The following MROH1 variants were observed in gnomAD, a reference collection of about 807,000 sequenced individuals.
The protein encoded by MROH1 is maestro heat like repeat family member 1, also known as maestro heat-like repeat-containing protein family member 1.
Under a neutral mutation model 116.5 loss-of-function variants are expected in MROH1, and 117 were observed. The observed-to-expected ratio is 1.00, with a 90% CI of 0.86 to 1.17. The LOEUF (loss-of-function observed/expected upper bound fraction) is 1.17. MROH1 is among the 50% of genes most tolerant of loss of function. MROH1 has a pLI of 0.00. For missense variants in MROH1, 1,873 were observed against 1,338.5 expected, an observed-to-expected ratio of 1.40 and a Z score of -6.23; for synonymous variants, 921 against 583.9, an observed-to-expected ratio of 1.58 and a Z score of -8.32.
At chr8:144,261,554 C>T (rs1210018517) in intron 43 of MROH1, 101 bp from the exon 44 acceptor site, 3 of 696,838 alleles carry the variant, frequency 4.3e-6, no homozygotes, top group Non-Finnish European at 7.8e-6. Flanking sequence ...CCGTTGGCTC[C>T]TGAGCCTCCC....
chr8:144,230,359 T>G (rs185555806), intron 14 of MROH1, among the ~76,000 whole-genome samples: 100 of 152,378 alleles, frequency 6.6e-4, no homozygotes, highest in Non-Finnish European at 9.7e-4. Flanking sequence ...TTATCATTCG[T>G]GTGTTCACTG....
intron 33 of MROH1, chr8:144,251,320 C>T (rs1842811396): frequency 6.6e-6 from 1 of 152,356 alleles, no homozygotes; most frequent in African/African-American, 2.4e-5. Flanking sequence ...TGTTTTAAAT[C>T]TCTTGCATGG....
chr8:144,250,094 G>A lies in MROH1; in HGVS notation c.3274-118G>A, dbSNP rs1842608377. ...GCCCTACCTCAGGCTGGAACCAGCA[G>A]TATGGAGCTCTGCATCTCATGGGGC... On this transcript the variant is annotated intron_variant, in intron 32 of 43. Coordinates refer to ENST00000326134, the MANE Select transcript of MROH1 (RefSeq NM_032450.3). 4.3e-6 allele frequency: 3 copies of A among 690,290 alleles called. 1 individual carries two copies. Among genetic ancestry groups the A allele is most frequent in the East Asian group, 5.4e-5 (2 of 37,168 alleles). The allele number at this position is 690,290 out of a possible 1,614,324, so 42.8% of individuals were successfully genotyped here.
chr8:144,179,417 G>C (rs759699415), intron 4 of MROH1, 38 bp from the exon 5 acceptor site: 4 of 1,606,506 alleles, frequency 2.5e-6, no homozygotes, highest in Non-Finnish European at 1.7e-6. Flanking sequence ...TGGGTGTGGG[G>C]CTCACCTGGG....
intron 10 of MROH1, among the ~76,000 whole-genome samples, chr8:144,193,613 A>T (rs1175397991): frequency 6.6e-6 from 1 of 151,990 alleles, no homozygotes; most frequent in African/African-American, 2.4e-5. Flanking sequence ...TTTATTTATT[A>T]TTTATTTATT....
At chr8:144,205,630 C>T (rs1358762117) in intron 12 of MROH1, among the ~76,000 whole-genome samples, 2 of 152,068 alleles carry the variant, frequency 1.3e-5, no homozygotes, top group African/African-American at 2.4e-5. Context: ...ATTTCCCCCC[C>T]AGGTCCATAG....
At chr8:144,229,300 CAGA>C (rs1473076385) in intron 14 of MROH1, among the ~76,000 whole-genome samples, 17 of 152,248 alleles carry the variant, frequency 1.1e-4, no homozygotes, top group Middle Eastern at 3.4e-3. Context: ...GAATCCTTCC[CAGA>C]AGGTTTTCAG....
chr8:144,188,449 A>ATTTTTTTTT (rs573524223), intron 7 of MROH1, among the ~76,000 whole-genome samples: 3 of 45,836 alleles, frequency 6.5e-5, no homozygotes, highest in African/African-American at 2.6e-4. Context: ...CCACTGCCCA[A>ATTTTTTTTT]TTTTTTTTTT....
At chr8:144,246,350 G>C (rs1052527333) in intron 29 of MROH1, among the ~76,000 whole-genome samples, 1 of 151,824 alleles carries the variant, frequency 6.6e-6, no homozygotes, top group East Asian at 1.9e-4. Context: ...GACTGGTCTT[G>C]AACTCCTGAC....
intron 33 of MROH1, chr8:144,251,678 G>A (rs1005562852): frequency 3.3e-4 from 51 of 152,408 alleles, no homozygotes; most frequent in Non-Finnish European, 6.2e-4. Context: ...CGTGATTACC[G>A]CCTGGCTCAT....
chr8:144,189,665 G>A (rs534252533), intron 7 of MROH1, among the ~76,000 whole-genome samples: 1 of 152,334 alleles, frequency 6.6e-6, no homozygotes, highest in South Asian at 2.1e-4. Flanking sequence ...CCGCCCACCC[G>A]TGGGAGGGCC....
chr8:144,190,759 C>G, intron 7 of MROH1, 25 bp from the exon 8 acceptor site: 1 of 1,608,000 alleles, frequency 6.2e-7, no homozygotes, highest in Non-Finnish European at 8.5e-7. Flanking sequence ...GGCCTGCAGC[C>G]ACTTACCACT....
intron 12 of MROH1, among the ~76,000 whole-genome samples, chr8:144,202,347 T>C (rs115695083): frequency 0.025 from 2,651 of 104,874 alleles, 37 homozygotes; most frequent in Non-Finnish European, 0.036. Flanking sequence ...GAGGGAAGTG[T>C]CCCCTCTGTG....
rs1055870378 is a variant in MROH1, at chr8:144,228,524, C to T, written c.1338+5294C>T. 5.8e-4 allele frequency among the ~76,000 whole-genome samples: 88 copies of T among 152,062 alleles called. 4 individuals are homozygous for T. The highest frequency in any genetic ancestry group is 2.1e-4 in the South Asian group (1 of 4,814). ...CTGTTGCCAGGCTGGAGTGCAGTGG[C>T]GCAATATCAGCTCACAGCAACCTCC... On this transcript the variant is annotated intron_variant, in intron 14 of 43. Transcript: ENST00000326134.
chr8:144,179,313 G>A (rs1824924461), intron 4 of MROH1, 142 bp from the exon 5 acceptor site: 8 of 1,234,276 alleles, frequency 6.5e-6, no homozygotes, highest in Non-Finnish European at 8.9e-6. Context: ...AGGGCGTGAG[G>A]AGTGATCAGG....
intron 8 of MROH1, 81 bp downstream of exon 8, chr8:144,191,016 C>G: frequency 6.7e-7 from 1 of 1,481,952 alleles, no homozygotes; most frequent in Non-Finnish European, 9.1e-7. Flanking sequence ...GCAAATTGAT[C>G]AGAGGGTGGT....
intron 12 of MROH1, among the ~76,000 whole-genome samples, chr8:144,203,450 C>G (rs1164600128): frequency 1.4e-5 from 2 of 147,844 alleles, no homozygotes; most frequent in Non-Finnish European, 3.0e-5. Context: ...AGGGGAGCGC[C>G]CCCTCTGGAG....
At chr8:144,259,441 A>C (rs1356219981) in intron 37 of MROH1, 87 bp downstream of exon 37, 1 of 707,112 alleles carries the variant, frequency 1.4e-6, no homozygotes, top group Non-Finnish European at 2.6e-6. Flanking sequence ...TACCCCTAAA[A>C]GGCCCCCTCG....
intron 7 of MROH1, among the ~76,000 whole-genome samples, chr8:144,186,120 ATTT>A (rs35879853): frequency 2.2e-5 from 3 of 137,236 alleles, no homozygotes; most frequent in African/African-American, 5.4e-5. Flanking sequence ...ACAGTTTCCA[ATTT>A]TTTTTTTTTT....
Sources: allele counts gnomAD v4.1 joint callset (sites outside exome capture counted in the v4.1 genomes callset), GRCh38; gene constraint gnomAD v4.1.1; transcripts MANE v1.5; gene names NCBI Gene and HGNC (gene_info 2026-07-23, HGNC 2026-07-21).